Variants in IL1R1 observed in about 807,000 individuals in gnomAD.
IL1R1 encodes interleukin-1 receptor type 1.
IL1R1 carries 22 observed loss-of-function variants against 50.2 expected under a neutral mutation model. That is an observed-to-expected ratio of 0.44 (90% CI 0.31 to 0.63). IL1R1 has a LOEUF of 0.63. Ranked by LOEUF, IL1R1 falls within the 20% of genes least tolerant of loss-of-function variation. The pLI is 0.07. For missense variants in IL1R1, 509 were observed against 676.2 expected (o/e 0.75, Z 2.74); for synonymous variants, 251 against 236.7 (o/e 1.06, Z -0.55).
At chr2:102,129,453 G>A (rs1276250599) in intron 1 of IL1R1, among the ~76,000 whole-genome samples, 2 of 152,208 alleles carry the variant, frequency 1.3e-5, no homozygotes, top group East Asian at 3.8e-4. Flanking sequence ...GCCAATTATT[G>A]AGCATAGGTC....
At chr2:102,103,133 C>A (rs886321080), upstream of IL1R1, among the ~76,000 whole-genome samples, 9 of 152,098 alleles carry the variant, frequency 5.9e-5, no homozygotes, top group African/African-American at 9.6e-5. Flanking sequence ...GCACAAGTAC[C>A]CCTGAAACTA....
chr2:102,096,993 A>T (rs1453275220), intron 1 of IL1R1, among the ~76,000 whole-genome samples: 1 of 151,658 alleles, frequency 6.6e-6, no homozygotes, highest in African/African-American at 2.4e-5. Context: ...CACCTCTGTC[A>T]TGTACTAACT....
chr2:102,091,581 G>T (rs1679668829), intron 1 of IL1R1, among the ~76,000 whole-genome samples: 1 of 152,172 alleles, frequency 6.6e-6, no homozygotes, highest in Admixed American at 6.5e-5. Flanking sequence ...GTCAGAGTAT[G>T]TGGAGTATCT....
At chr2:102,097,810 A>C (rs1679970286) in intron 1 of IL1R1, among the ~76,000 whole-genome samples, 1 of 152,100 alleles carries the variant, frequency 6.6e-6, no homozygotes, top group Admixed American at 6.5e-5. Context: ...AAAATGTTTT[A>C]CCTAAATGAT....
intron 1 of IL1R1, among the ~76,000 whole-genome samples, chr2:102,114,058 T>G (rs1042325209): frequency 6.6e-6 from 1 of 152,206 alleles, no homozygotes; most frequent in African/African-American, 2.4e-5. Flanking sequence ...GGCAGTCATA[T>G]TTGGGCACTG....
chr2:102,111,704 C>T lies in IL1R1; in HGVS notation c.-84+6832C>T, dbSNP rs561397150. On this transcript the variant is annotated intron_variant, in intron 1 of 10. Transcript: ENST00000409329. The stretch of plus-strand genomic sequence containing the variant: ...CAGGAAGGGGACAGTGAAGAGGACC[C>T]GGCCACCTCTAGGTTCTGGACCAGA... Among the ~76,000 whole-genome samples the T allele has an allele frequency of 3.9e-3, 598 of 152,240 alleles. 4 individuals carry two copies. The highest frequency in any genetic ancestry group is 0.014 in the African/African-American group (574 of 41,538).
chr2:102,072,979 T>C (rs1678799811), intron 1 of IL1R1, among the ~76,000 whole-genome samples: 1 of 152,214 alleles, frequency 6.6e-6, no homozygotes, highest in Admixed American at 6.5e-5. Context: ...GGGCTGTGGG[T>C]ATAGAAACTC....
intron 1 of IL1R1, among the ~76,000 whole-genome samples, chr2:102,133,243 C>CAAAAAA (rs70946673): frequency 1.2e-4 from 14 of 116,846 alleles, no homozygotes; most frequent in Non-Finnish European, 1.7e-4. Flanking sequence ...GACTCTGTCT[C>CAAAAAA]AAAAAAAAAA....
At chr2:102,167,801 A>G (rs1685330501) in intron 6 of IL1R1, among the ~76,000 whole-genome samples, 1 of 152,076 alleles carries the variant, frequency 6.6e-6, no homozygotes, top group African/African-American at 2.4e-5. Flanking sequence ...CCATTTGTAG[A>G]AACAATATAC....
chr2:102,152,196 G>A (rs2104496720), intron 1 of IL1R1, among the ~76,000 whole-genome samples: 1 of 152,090 alleles, frequency 6.6e-6, no homozygotes, highest in South Asian at 2.1e-4. Flanking sequence ...GAAAAGGAGG[G>A]AAAATGAGGC....
At chr2:102,153,440 T>TA (rs759374263) in intron 1 of IL1R1, among the ~76,000 whole-genome samples, 12 of 152,328 alleles carry the variant, frequency 7.9e-5, no homozygotes, top group Non-Finnish European at 1.6e-4. Flanking sequence ...TTATGGAACA[T>TA]ACACTTGTTA....
chr2:102,141,072 A>G (rs1386644065), upstream of IL1R1, among the ~76,000 whole-genome samples: 3 of 152,256 alleles, frequency 2.0e-5, no homozygotes, highest in Admixed American at 2.0e-4. Context: ...GGACGAATTT[A>G]TGTTCACCAT....
Position 102,135,533 on chromosome 2 carries a change from G to A in IL1R1, c.-83-18408G>A, listed in dbSNP as rs1344722928. ...ATTCAAACTGAGAATCTAATATACA[G>A]AGGATATGTGAGAGCAGGTAGGATT... On this transcript the variant is annotated intron_variant, in intron 1 of 10. Transcript: ENST00000409329. Among the ~76,000 whole-genome samples the A allele has an allele frequency of 2.6e-5, 4 of 152,176 alleles. No individual in the cohort carries two copies. The East Asian group carries it at 7.7e-4, about 29-fold the overall frequency.
chr2:102,119,239 G>A (rs944768462), intron 1 of IL1R1, among the ~76,000 whole-genome samples: 2 of 152,122 alleles, frequency 1.3e-5, no homozygotes, highest in Admixed American at 6.5e-5. Flanking sequence ...GATAATGTAA[G>A]TTCTTTATTG....
At chr2:102,074,055 C>T (rs935725132) in intron 1 of IL1R1, among the ~76,000 whole-genome samples, 1 of 152,174 alleles carries the variant, frequency 6.6e-6, no homozygotes, top group African/African-American at 2.4e-5. Flanking sequence ...GAGTGATGAG[C>T]AGCACGTGGT....
chr2:102,122,159 C>A (rs568256161), intron 1 of IL1R1, among the ~76,000 whole-genome samples: 7 of 152,226 alleles, frequency 4.6e-5, no homozygotes, highest in Non-Finnish European at 1.0e-4. Context: ...ATGTGTCCAT[C>A]TCACAGGGGC....
intron 1 of IL1R1, among the ~76,000 whole-genome samples, chr2:102,144,989 A>G (rs1682993516): frequency 6.6e-6 from 1 of 152,182 alleles, no homozygotes; most frequent in East Asian, 1.9e-4. Flanking sequence ...CATCAGTGCG[A>G]GCTGAGTGTC....
intron 2 of IL1R1, chr2:102,156,277 A>C (rs1178231321): frequency 6.6e-6 from 1 of 152,570 alleles, no homozygotes; most frequent in African/African-American, 2.4e-5. Context: ...AGTATTCTAG[A>C]CTATTTTGGG....
chr2:102,171,402 T>C (rs1310079656), intron 7 of IL1R1, among the ~76,000 whole-genome samples: 1 of 152,206 alleles, frequency 6.6e-6, no homozygotes, highest in Non-Finnish European at 1.5e-5. Context: ...ATAAGGCTAT[T>C]CATTAAAATA....
Sources: allele counts gnomAD v4.1 joint callset (sites outside exome capture counted in the v4.1 genomes callset), GRCh38; gene constraint gnomAD v4.1.1; transcripts MANE v1.5; gene names NCBI Gene and HGNC (gene_info 2026-07-23, HGNC 2026-07-21).